Variants in MAD1L1 observed in about 807,000 individuals in gnomAD.
The protein encoded by MAD1L1 is mitotic arrest deficient 1 like 1.
A neutral mutation model predicts 96.9 loss-of-function variants in MAD1L1; 95 were observed. That is an observed-to-expected ratio of 0.98 (90% confidence interval 0.83 to 1.16). The LOEUF (loss-of-function observed/expected upper bound fraction) is 1.16. MAD1L1 is among the 50% of genes most tolerant of loss of function. MAD1L1 has a pLI of 0.00. For synonymous variants in MAD1L1, 473 were observed against 396.6 expected, an observed-to-expected ratio of 1.19 and a Z score of -2.29; for missense variants, 1,007 against 954.4, an observed-to-expected ratio of 1.06 and a Z score of -0.73.
chr7:2,220,774 C>A (rs1327165867), intron 5 of MAD1L1: 5 of 1,182,052 alleles, frequency 4.2e-6, no homozygotes, highest in Non-Finnish European at 5.8e-6. Flanking sequence ...GTTTACTTCA[C>A]CACAACAGTG....
intron 15 of MAD1L1, among the ~76,000 whole-genome samples, chr7:1,977,523 G>A (rs1010249605): frequency 2.6e-5 from 4 of 152,258 alleles, no homozygotes; most frequent in Non-Finnish European, 5.9e-5. Flanking sequence ...CGCAAGCAGA[G>A]GGAGCCGGCT....
At chr7:2,200,709 C>T (rs926152058) in intron 10 of MAD1L1, among the ~76,000 whole-genome samples, 1 of 152,224 alleles carries the variant, frequency 6.6e-6, no homozygotes, top group Non-Finnish European at 1.5e-5. Context: ...CTCCCCACCG[C>T]GGCTCTGCAC....
chr7:2,087,683 G>A (rs1321594527), intron 11 of MAD1L1, among the ~76,000 whole-genome samples: 6 of 152,288 alleles, frequency 3.9e-5, no homozygotes, highest in South Asian at 2.1e-4. Context: ...TGCCTGTGCC[G>A]ATCGCAAAGG....
At chr7:1,874,441 G>A (rs752105166) in intron 18 of MAD1L1, 129 of 440,054 alleles carry the variant, frequency 2.9e-4, no homozygotes, top group Non-Finnish European at 5.2e-4. Flanking sequence ...AGCACCCGCC[G>A]TGGCCAGGGT....
chr7:2,199,759 G>A (rs1179896710), intron 10 of MAD1L1, among the ~76,000 whole-genome samples: 5 of 152,230 alleles, frequency 3.3e-5, no homozygotes, highest in Non-Finnish European at 4.4e-5. Context: ...CTGGTCCTAG[G>A]AGACGGCTTT....
At chr7:2,070,139 G>A (rs1207300609) in intron 11 of MAD1L1, among the ~76,000 whole-genome samples, 1 of 152,242 alleles carries the variant, frequency 6.6e-6, no homozygotes, top group Non-Finnish European at 1.5e-5. Context: ...CCTGGCAGTA[G>A]CGGGCCTCAG....
At chr7:1,818,692 T>G (rs1236368176) in intron 18 of MAD1L1, among the ~76,000 whole-genome samples, 4 of 152,054 alleles carry the variant, frequency 2.6e-5, no homozygotes, top group Non-Finnish European at 5.9e-5. Context: ...AGGCGTGAGC[T>G]CTGATCATTC....
At position 2,028,191 on chromosome 7, in the gene MAD1L1, C is replaced by T. The variant is rs149814572; in HGVS notation, c.1219-13549G>A. ...CTGTAATCCCAGCACTTTGGGAGGC[C>T]GAGGCAGGCGGATTACGAGGTCAGG... On this transcript the variant is annotated intron_variant, in intron 12 of 18. Transcript: ENST00000265854. Among the ~76,000 whole-genome samples the T allele has an allele frequency of 1.4e-4, 22 of 151,986 alleles. No homozygotes were observed. The East Asian group carries it at 3.5e-3, about 24-fold the overall frequency.
chr7:1,954,165 C>T (rs1248282623), intron 16 of MAD1L1, among the ~76,000 whole-genome samples: 3 of 152,122 alleles, frequency 2.0e-5, no homozygotes, highest in South Asian at 2.1e-4. Context: ...GTAAGGACGA[C>T]GGTATTATGA....
chr7:1,944,233 T>C (rs1377251921), intron 16 of MAD1L1, among the ~76,000 whole-genome samples: 1 of 152,044 alleles, frequency 6.6e-6, no homozygotes, highest in Non-Finnish European at 1.5e-5. Flanking sequence ...AGCAGGGTGA[T>C]GGATAACTAG....
At chr7:2,106,377 T>C (rs1787100475) in intron 11 of MAD1L1, among the ~76,000 whole-genome samples, 1 of 146,226 alleles carries the variant, frequency 6.8e-6, no homozygotes, top group Non-Finnish European at 1.5e-5. Context: ...CGGATATACA[T>C]GCCCATCCCT....
rs530740532 is a variant in MAD1L1 at position 1,971,601 on chromosome 7, G to A, written c.1505+8852C>T. On this transcript the variant is annotated intron_variant, in intron 15 of 18. Transcript: ENST00000265854. ...AGACTTCAGTTAAAGACGGTAGCTTGAACACGTGCACTTAAGTGTAATCTC... is the reference window on the plus strand; with the variant it reads ...AGACTTCAGTTAAAGACGGTAGCTTAAACACGTGCACTTAAGTGTAATCTC... 2.0e-5 allele frequency among the ~76,000 whole-genome samples: 3 copies of A among 152,282 alleles called. No homozygotes were observed. The East Asian group carries it at 5.8e-4, about 29-fold the overall frequency.
intron 12 of MAD1L1, among the ~76,000 whole-genome samples, chr7:2,055,686 A>T (rs1345030966): frequency 6.6e-6 from 1 of 151,616 alleles, no homozygotes; most frequent in African/African-American, 2.4e-5. Context: ...AAAAAAAAAA[A>T]AAAAATCTAG....
chr7:1,909,213 G>C (rs568290260), intron 17 of MAD1L1, among the ~76,000 whole-genome samples: 1 of 152,150 alleles, frequency 6.6e-6, no homozygotes, highest in Non-Finnish European at 1.5e-5. Context: ...TCCCCTGCAC[G>C]CTGCGGACAC....
chr7:1,948,317 A>C (rs10950462), intron 16 of MAD1L1, among the ~76,000 whole-genome samples: 148,947 of 151,510 alleles, frequency 0.98, 73,256 homozygotes, highest in Middle Eastern at 1. Context: ...CCCCCCATGA[A>C]CCCCCTCCAC....
intron 18 of MAD1L1, among the ~76,000 whole-genome samples, chr7:1,841,567 G>C (rs1639580157): frequency 2.0e-5 from 3 of 152,226 alleles, no homozygotes; most frequent in South Asian, 2.1e-4. Flanking sequence ...TCACTCACGA[G>C]ACAGAAGCTG....
At chr7:1,868,948 G>T (rs1387100603) in intron 18 of MAD1L1, among the ~76,000 whole-genome samples, 1 of 152,224 alleles carries the variant, frequency 6.6e-6, no homozygotes, top group Non-Finnish European at 1.5e-5. Flanking sequence ...GCGCCAGGCA[G>T]AAAGCTAGCC....
chr7:2,151,406 C>T (rs1458929987), intron 10 of MAD1L1, among the ~76,000 whole-genome samples: 2 of 152,238 alleles, frequency 1.3e-5, no homozygotes, highest in Non-Finnish European at 2.9e-5. Context: ...AGGGACCTCA[C>T]ATGTCACTGG....
At chr7:2,010,521 C>G (rs1782249642) in intron 13 of MAD1L1, among the ~76,000 whole-genome samples, 1 of 152,190 alleles carries the variant, frequency 6.6e-6, no homozygotes, top group African/African-American at 2.4e-5. Context: ...ACAGAGGACT[C>G]CTGACACATG....
Sources: gnomAD v4.1 joint callset for allele counts (sites outside exome capture counted in the v4.1 genomes callset) on GRCh38, gnomAD v4.1.1 for gene constraint, MANE v1.5 for transcripts, NCBI Gene and HGNC (gene_info 2026-07-23, HGNC 2026-07-21) for gene names.